The following GOLIM4 variants were observed in gnomAD, a reference collection of about 807,000 sequenced individuals.
The protein encoded by GOLIM4 is golgi integral membrane protein 4.
In GOLIM4, 71 loss-of-function variants were observed where a neutral mutation model predicts 107.4. That is an observed-to-expected ratio of 0.66 (90% CI 0.55 to 0.81). The LOEUF (loss-of-function observed/expected upper bound fraction) is 0.81, where lower values mean the gene tolerates loss of function less well. GOLIM4 is among the 30% of genes least tolerant of loss of function. The pLI is 0.00. For missense variants in GOLIM4, 830 were observed against 826.1 expected (o/e 1.00, Z -0.06); for synonymous variants, 327 against 294.8 (o/e 1.11, Z -1.12).
intron 1 of GOLIM4, among the ~76,000 whole-genome samples, chr3:168,076,628 T>C (rs1721096870): frequency 6.6e-6 from 1 of 152,094 alleles, no homozygotes; most frequent in African/African-American, 2.4e-5. Flanking sequence ...GAGGCAGAGG[T>C]TGCAGTGAGC....
At chr3:168,069,145 A>C (rs1720710859) in intron 1 of GOLIM4, among the ~76,000 whole-genome samples, 1 of 152,062 alleles carries the variant, frequency 6.6e-6, no homozygotes, top group Non-Finnish European at 1.5e-5. Flanking sequence ...CACTTTTAAA[A>C]TTGCTACACA....
At chr3:168,053,216 T>C (rs553406806) in intron 1 of GOLIM4, among the ~76,000 whole-genome samples, 1 of 152,160 alleles carries the variant, frequency 6.6e-6, no homozygotes, top group Non-Finnish European at 1.5e-5. Flanking sequence ...AAAATGCATA[T>C]CTATGCAATT....
In GOLIM4 at chr3:168,029,889, G is replaced by A; in HGVS notation, c.1324C>T (p.His442Tyr). The A allele has an allele frequency of 4.3e-6, 7 of 1,614,074 alleles. No homozygotes were observed. The highest frequency in any genetic ancestry group is 5.9e-6 in the Non-Finnish European group (7 of 1,180,016). ...EALHQQRLQGHLLRQQEQQQQ... is the reference protein window; with the variant it reads ...EALHQQRLQGYLLRQQEQQQQ... ...TGCTGTTCCTGCTGCCGTAGTAAGT[G>A]CCCCTGCAGCCTCTGCTGGTGCAAA... The change falls in exon 10 of 16, where the codon CAC becomes TAC. Residue 442 changes from histidine to tyrosine, a missense_variant. Physicochemically the swap from His to Tyr is moderately conservative, Grantham distance 83. Coordinates refer to ENST00000470487, the MANE Select transcript of GOLIM4 (RefSeq NM_014498.5).
At chr3:168,010,468 G>T in intron 15 of GOLIM4, 50 bp from the exon 16 acceptor site, 2 of 1,215,640 alleles carry the variant, frequency 1.6e-6, no homozygotes, top group Non-Finnish European at 2.4e-6. Context: ...TAGAGTTAGT[G>T]ATAAATAATT....
chr3:168,014,162 AAGAG>A (rs1321669804), intron 14 of GOLIM4, among the ~76,000 whole-genome samples: 1 of 151,002 alleles, frequency 6.6e-6, no homozygotes, highest in Non-Finnish European at 1.5e-5. Context: ...TAAAGAAAAA[AAGAG>A]AGAAGAATCT....
intron 14 of GOLIM4, among the ~76,000 whole-genome samples, chr3:168,019,787 G>A (rs1351856992): frequency 6.6e-6 from 1 of 152,108 alleles, no homozygotes; most frequent in Non-Finnish European, 1.5e-5. Flanking sequence ...CACATCAGGA[G>A]GCACACACAT....
chr3:168,024,379 G>T, intron 14 of GOLIM4, 147 bp downstream of exon 14: 5 of 646,558 alleles, frequency 7.7e-6, no homozygotes, highest in South Asian at 1.9e-5. Flanking sequence ...ATCCATTTTT[G>T]CTTTAAACCA....
At chr3:168,079,258 A>C (rs9845658) in intron 1 of GOLIM4, among the ~76,000 whole-genome samples, 74,218 of 151,616 alleles carry the variant, frequency 0.49, 19,200 homozygotes, top group African/African-American at 0.62. Flanking sequence ...GAAATGAGCA[A>C]TCTACAACTA....
chr3:168,031,569 G>T (rs1718340481), intron 9 of GOLIM4, among the ~76,000 whole-genome samples: 1 of 152,190 alleles, frequency 6.6e-6, no homozygotes, highest in East Asian at 1.9e-4. Context: ...CTCACTTAAG[G>T]AAAGAGGTAG....
rs1237952385 is a variant in GOLIM4, at chr3:168,029,501, AAAAGATAAAATATCTTTT to A, written c.1434-217_1434-200del. On this transcript the variant is annotated intron_variant, in intron 10 of 15. Transcript: ENST00000470487. ...AGATACACTTTCAAAAGGTATCTTA[AAAAGATAAAATATCTTTT>A]AAAGATAAAATAAAATAAAGTTGGC... Among the ~76,000 whole-genome samples the A allele has an allele frequency of 5.3e-5, 8 of 152,256 alleles. No individual in the cohort carries two copies. The South Asian group carries it at 6.2e-4, about 12-fold the overall frequency.
At chr3:168,080,454 C>A (rs1405291727) in intron 1 of GOLIM4, among the ~76,000 whole-genome samples, 1 of 152,168 alleles carries the variant, frequency 6.6e-6, no homozygotes, top group Non-Finnish European at 1.5e-5. Context: ...ATTTAAGATT[C>A]AGCTCCTCAG....
At chr3:168,068,010 T>C (rs959373208) in intron 1 of GOLIM4, among the ~76,000 whole-genome samples, 17 of 152,108 alleles carry the variant, frequency 1.1e-4, no homozygotes, top group Non-Finnish European at 1.6e-4. Context: ...TGGGCTGGTG[T>C]TTCACTAGGA....
Position 168,044,839 on chromosome 3 carries a change from G to T in GOLIM4, c.355C>A (p.Gln119Lys). 6.4e-7 allele frequency: 1 copy of T among 1,551,534 alleles called. No individual in the cohort carries two copies. The highest frequency in any genetic ancestry group is 8.8e-7 in the Non-Finnish European group (1 of 1,140,260). Residue 119 changes from glutamine to lysine, a missense_variant, in exon 4 of 16, where the codon CAG becomes AAG. By Grantham distance (53) the Gln-to-Lys change is moderately conservative. Coordinates refer to ENST00000470487, the MANE Select transcript of GOLIM4 (RefSeq NM_014498.5). ...TTTAGATTACTCACTTTCAACATCTGATGTTGGACATTCAGTGCACTGTAT... is the reference window on the plus strand; with the variant it reads ...TTTAGATTACTCACTTTCAACATCTTATGTTGGACATTCAGTGCACTGTAT... ...SRYSALNVQH[Q>K]MLKSQHEELK...
intron 1 of GOLIM4, among the ~76,000 whole-genome samples, chr3:168,061,288 T>A (rs2108268019): frequency 6.6e-6 from 1 of 152,246 alleles, no homozygotes; most frequent in South Asian, 2.1e-4. Flanking sequence ...CATTCTCCCA[T>A]CAAAACAGCT....
intron 1 of GOLIM4, among the ~76,000 whole-genome samples, chr3:168,087,755 C>A (rs1311760808): frequency 1.3e-5 from 2 of 152,184 alleles, no homozygotes; most frequent in African/African-American, 4.8e-5. Context: ...CAGGCTAGAT[C>A]TTGACACTGG....
At chr3:168,050,056 T>A (rs2108255341) in intron 1 of GOLIM4, among the ~76,000 whole-genome samples, 2 of 152,242 alleles carry the variant, frequency 1.3e-5, no homozygotes, top group African/African-American at 4.8e-5. Context: ...CCGTAGGCAG[T>A]CATTGCAATA....
Position 168,046,966 on chromosome 3 carries a change from G to A in GOLIM4, c.296C>T (p.Thr99Ile). 7.4e-7 allele frequency: 1 copy of A among 1,360,502 alleles called. No individual in the cohort carries two copies. The highest frequency in any genetic ancestry group is 1.0e-6 in the Non-Finnish European group (1 of 991,716). 84.3% of individuals were successfully genotyped at this position (1,360,502 alleles called of 1,614,324 possible). A position where few individuals can be genotyped will look rare whatever the true frequency, so the allele number is the denominator to read the frequency against. The change falls in exon 3 of 16, where the codon ACA (threonine) becomes ATA (isoleucine). Residue 99 changes from threonine (T) to isoleucine (I), a missense_variant. Coordinates refer to ENST00000470487, the MANE Select transcript of GOLIM4 (RefSeq NM_014498.5). Reference protein sequence around the residue: ...FLVYKLEAQETLNKGRQDSNS... With the variant: ...FLVYKLEAQEILNKGRQDSNS... Reference sequence around the variant, plus strand: ...AAAACTTACCCTTCCTTTATTTAATGTTTCTTGTGCTTCTAACTTATAAAC... The same window carrying A: ...AAAACTTACCCTTCCTTTATTTAATATTTCTTGTGCTTCTAACTTATAAAC...
At chr3:168,089,498 T>G (rs923226224) in intron 1 of GOLIM4, among the ~76,000 whole-genome samples, 2 of 152,224 alleles carry the variant, frequency 1.3e-5, no homozygotes, top group African/African-American at 4.8e-5. Flanking sequence ...TAAGCACTAT[T>G]ATCCTGATTA....
chr3:168,018,679 C>T (rs570822240), intron 14 of GOLIM4, among the ~76,000 whole-genome samples: 2 of 152,286 alleles, frequency 1.3e-5, no homozygotes, highest in Admixed American at 6.5e-5. Context: ...GAAGTACTTA[C>T]TTCAGGCCTA....
Sources: allele counts gnomAD v4.1 joint callset (sites outside exome capture counted in the v4.1 genomes callset), GRCh38; gene constraint gnomAD v4.1.1; transcripts MANE v1.5; gene names NCBI Gene and HGNC (gene_info 2026-07-23, HGNC 2026-07-21).